P3H2: variants seen among roughly 807,000 people sequenced by gnomAD.
The protein encoded by P3H2 is leprecan-like 1.
In P3H2, 80 loss-of-function variants were observed where a neutral mutation model predicts 87.0. The observed-to-expected ratio is 0.92, with a 90% confidence interval of 0.77 to 1.11. The LOEUF (loss-of-function observed/expected upper bound fraction) is 1.11, where lower values mean the gene tolerates loss of function less well. P3H2 is among the 50% of genes least tolerant of loss of function. The probability of loss-of-function intolerance (pLI) is 0.00; values close to 1 mark genes in which losing one functional copy is unlikely to be tolerated. For missense variants in P3H2, 1,001 were observed against 923.9 expected, an observed-to-expected ratio of 1.08 and a Z score of -1.08; for synonymous variants, 367 against 359.3, an observed-to-expected ratio of 1.02 and a Z score of -0.24.
intron 1 of P3H2, among the ~76,000 whole-genome samples, chr3:190,085,220 A>G (rs992368417): frequency 2.0e-5 from 3 of 152,184 alleles, no homozygotes; most frequent in South Asian, 2.1e-4. Context: ...CTAGAACCCA[A>G]TGTTGTTTGT....
At chr3:190,061,102 T>C (rs1726318151) in intron 1 of P3H2, among the ~76,000 whole-genome samples, 1 of 152,104 alleles carries the variant, frequency 6.6e-6, no homozygotes, top group Admixed American at 6.6e-5. Context: ...CCATTGTTTC[T>C]GACTATAGAG....
rs9682390 is a variant in P3H2 at position 189,980,877 on chromosome 3, C to G, written c.1324+2169G>C. ...AAAGATTCAGAATGGGGCTGGTCACCAGAAAGACCAAGTGATTAGGAAAGT... is the reference window on the plus strand; with the variant it reads ...AAAGATTCAGAATGGGGCTGGTCACGAGAAAGACCAAGTGATTAGGAAAGT... On this transcript the variant is annotated intron_variant, in intron 8 of 14. Transcript: ENST00000319332. Among the ~76,000 whole-genome samples, 550 of 152,234 alleles carry G rather than the reference C, an allele frequency of 3.6e-3. 3 individuals are homozygous for G. The highest frequency in any genetic ancestry group is 0.013 in the African/African-American group (535 of 41,544).
rs1040797559 is a variant in P3H2 at position 189,970,988 on chromosome 3, T to C, written c.1818-97A>G. On this transcript the variant is annotated intron_variant, in intron 12 of 14. Coordinates refer to ENST00000319332, the MANE Select transcript of P3H2 (RefSeq NM_018192.4). ...CTGGTGATGTACTGTCCAGCCTCCA[T>C]TAGTAAGTTTCCTTTGAACTAGACA... 6.5e-5 allele frequency: 47 copies of C among 725,882 alleles called. No individual in the cohort carries two copies. The South Asian group carries it at 7.4e-4, about 11-fold the overall frequency. The allele number at this position is 725,882 out of a possible 1,614,324, so 45.0% of individuals were successfully genotyped here.
intron 1 of P3H2, among the ~76,000 whole-genome samples, chr3:189,997,996 C>T (rs963726223): frequency 7.9e-5 from 12 of 152,190 alleles, no homozygotes; most frequent in African/African-American, 2.7e-4. Context: ...AAGAACTATA[C>T]ACCATCATTT....
intron 1 of P3H2, among the ~76,000 whole-genome samples, chr3:190,095,292 T>C (rs1577320996): frequency 1.7e-5 from 2 of 114,668 alleles, no homozygotes; most frequent in East Asian, 2.6e-4. Context: ...CAAAGACAAA[T>C]TGTCTCAAAA....
intron 1 of P3H2, among the ~76,000 whole-genome samples, chr3:190,091,535 T>C (rs981288917): frequency 6.6e-6 from 1 of 152,264 alleles, no homozygotes; most frequent in African/African-American, 2.4e-5. Flanking sequence ...TTAATGTCTG[T>C]AAATGGCTAT....
chr3:189,966,179 GAAAGAA>G (rs1373005906), intron 13 of P3H2, among the ~76,000 whole-genome samples: 1 of 127,840 alleles, frequency 7.8e-6, no homozygotes, highest in African/African-American at 2.6e-5. Context: ...AAGAAAGAAA[GAAAGAA>G]AGAAAGAAAA....
intron 8 of P3H2, among the ~76,000 whole-genome samples, chr3:189,979,774 C>T (rs901194815): frequency 5.3e-5 from 8 of 151,680 alleles, no homozygotes; most frequent in South Asian, 2.1e-4. Flanking sequence ...CCAGCCTGAC[C>T]GAGATGGTGA....
chr3:190,099,827 G>C (rs542651721), intron 1 of P3H2, among the ~76,000 whole-genome samples: 1 of 152,208 alleles, frequency 6.6e-6, no homozygotes, highest in Non-Finnish European at 1.5e-5. Context: ...GGAGTCTGCA[G>C]AACTGTGTGG....
Position 190,067,710 on chromosome 3 carries a change from G to A in P3H2, c.480+52542C>T, listed in dbSNP as rs565540824. On this transcript the variant is annotated intron_variant, in intron 1 of 14. Transcript: ENST00000319332. ...CTTCTTCTCCTCCTCTTAAGTGTTC[G>A]TTAAAAAGTTTTAAAATTATTTATG... is the stretch of plus-strand genomic sequence containing the variant. Among the ~76,000 whole-genome samples, 6 of 152,104 alleles carry A rather than the reference G, an allele frequency of 3.9e-5. No homozygotes were observed. In the East Asian group the frequency reaches 5.8e-4, roughly 15 times the overall value.
At position 190,115,865 on chromosome 3, in the gene P3H2, G is replaced by A. The variant is rs148961790; in HGVS notation, c.480+4387C>T. On this transcript the variant is annotated intron_variant, in intron 1 of 14. Coordinates refer to ENST00000319332, the MANE Select transcript of P3H2 (RefSeq NM_018192.4). ...GTTTTAGGTATTTGGAGGGAAGATGGTTGTGAATCACCCAACTCAGACCTA... is the reference window on the plus strand; with the variant it reads ...GTTTTAGGTATTTGGAGGGAAGATGATTGTGAATCACCCAACTCAGACCTA... Among the ~76,000 whole-genome samples the A allele has an allele frequency of 3.3e-5, 5 of 152,294 alleles. No individual in the cohort carries two copies. The East Asian group carries it at 9.6e-4, about 29-fold the overall frequency.
chr3:190,063,627 T>A (rs941299384), intron 1 of P3H2, among the ~76,000 whole-genome samples: 2 of 152,136 alleles, frequency 1.3e-5, no homozygotes, highest in African/African-American at 4.8e-5. Context: ...TCAATACAAT[T>A]TCCACCCTTG....
At chr3:190,064,169 T>TC (rs1188105540) in intron 1 of P3H2, among the ~76,000 whole-genome samples, 3 of 150,658 alleles carry the variant, frequency 2.0e-5, no homozygotes, top group African/African-American at 7.3e-5. Flanking sequence ...TTTTTTTTTT[T>TC]AATTTTTAGT....
chr3:190,011,484 C>T (rs1416875667), intron 1 of P3H2, among the ~76,000 whole-genome samples: 1 of 152,090 alleles, frequency 6.6e-6, no homozygotes, highest in Non-Finnish European at 1.5e-5. Flanking sequence ...TTAAGCATCT[C>T]CACTTATTTT....
rs770967128 is a variant in P3H2, at chr3:190,063,990, CTTT to C, written c.480+56259_480+56261del. ...ATTTAAGAAATCATTTTAGAATAAA[CTTT>C]TTTTTTTTTTTTTTTTTTGAGACAG... is the stretch of plus-strand genomic sequence containing the variant. On this transcript the variant is annotated intron_variant, in intron 1 of 14. Coordinates refer to ENST00000319332, the MANE Select transcript of P3H2 (RefSeq NM_018192.4). Among the ~76,000 whole-genome samples, 228 of 124,196 alleles carry C rather than the reference CTTT, an allele frequency of 1.8e-3. 1 individual carries two copies. The highest frequency in any genetic ancestry group is 5.1e-3 in the African/African-American group (160 of 31,536). 81.5% of individuals were successfully genotyped at this position (124,196 alleles called of 152,430 possible).
chr3:190,042,446 GTGTGTGTGTGTA>G (rs1250889061), intron 1 of P3H2, among the ~76,000 whole-genome samples: 5 of 99,494 alleles, frequency 5.0e-5, no homozygotes, highest in Non-Finnish European at 1.1e-4. Context: ...GTGTGTGTGT[GTGTGTGTGTGTA>G]TGTAGAATCT....
At chr3:189,961,309 A>G (rs1722804149) in intron 14 of P3H2, among the ~76,000 whole-genome samples, 1 of 152,228 alleles carries the variant, frequency 6.6e-6, no homozygotes, top group Non-Finnish European at 1.5e-5. Context: ...TGACCACAAG[A>G]AATGATTGTA....
chr3:190,120,741 C>CAGAG lies in P3H2; in HGVS notation c.-14_-11dup. On this transcript the variant is annotated 5_prime_UTR_variant, in exon 1 of 15. Transcript: ENST00000319332. Reference sequence around the variant, plus strand: ...AGATGCGCTCCCGCATCCTCCGCCTCAGAGAGGCGCGGGACGGTTACGCTC... The same window carrying CAGAG: ...AGATGCGCTCCCGCATCCTCCGCCTCAGAGAGAGAGGCGCGGGACGGTTACGCTC... 2 of 1,518,606 alleles carry CAGAG rather than the reference C, an allele frequency of 1.3e-6. No homozygotes were observed. The highest frequency in any genetic ancestry group is 1.8e-6 in the Non-Finnish European group (2 of 1,140,534). 94.1% of individuals were successfully genotyped at this position (1,518,606 alleles called of 1,614,324 possible).
At chr3:189,990,261 A>G (rs1265904936) in intron 3 of P3H2, among the ~76,000 whole-genome samples, 1 of 152,218 alleles carries the variant, frequency 6.6e-6, no homozygotes, top group Non-Finnish European at 1.5e-5. Context: ...TATTAACCCC[A>G]GTCAGGGGAT....
Sources: gnomAD v4.1 joint callset for allele counts (sites outside exome capture counted in the v4.1 genomes callset) on GRCh38, gnomAD v4.1.1 for gene constraint, MANE v1.5 for transcripts, NCBI Gene and HGNC (gene_info 2026-07-23, HGNC 2026-07-21) for gene names.